Variants in MON2 observed in about 807,000 individuals in gnomAD.
MON2 encodes MON2 regulator of endosome-to-Golgi trafficking, also known as protein MON2 homolog.
Under a neutral mutation model 208.6 loss-of-function variants are expected in MON2, and 84 were observed. The ratio of observed to expected loss-of-function variants is 0.40; its 90% CI spans 0.34 to 0.48. The LOEUF (loss-of-function observed/expected upper bound fraction) is 0.48, where lower values mean the gene tolerates loss of function less well. Among genes scored for constraint, MON2 ranks in the 20% least tolerant of loss-of-function variants. The probability of loss-of-function intolerance (pLI) is 0.59; values close to 1 mark genes in which losing one functional copy is unlikely to be tolerated. For synonymous variants in MON2, 660 were observed against 694.0 expected, an observed-to-expected ratio of 0.95 and a Z score of 0.77; for missense variants, 1,611 against 2,015.4, an observed-to-expected ratio of 0.80 and a Z score of 3.84.
intron 23 of MON2, among the ~76,000 whole-genome samples, chr12:62,551,938 CTG>C (rs2136303656): frequency 6.6e-6 from 1 of 152,296 alleles, no homozygotes; most frequent in African/African-American, 2.4e-5. Flanking sequence ...GCTTCTGCAT[CTG>C]TAGATTCAAC....
chr12:62,486,049 G>A (rs925369059), intron 2 of MON2, among the ~76,000 whole-genome samples: 2 of 152,096 alleles, frequency 1.3e-5, no homozygotes, highest in African/African-American at 4.8e-5. Context: ...ATTAGCTACT[G>A]TGGGGAAATT....
chr12:62,521,621 G>C (rs896023088), intron 8 of MON2, among the ~76,000 whole-genome samples: 3 of 152,156 alleles, frequency 2.0e-5, no homozygotes, highest in Non-Finnish European at 4.4e-5. Context: ...GGTAGTTCAA[G>C]GGTGAAGATA....
intron 29 of MON2, 42 bp from the exon 30 acceptor site, chr12:62,571,350 A>G (rs758574369): frequency 9.7e-6 from 13 of 1,334,078 alleles, no homozygotes; most frequent in South Asian, 1.6e-5. Context: ...TTGTGTGTGT[A>G]TGTTTTAATT....
At chr12:62,480,680 A>G (rs116803271) in intron 1 of MON2, among the ~76,000 whole-genome samples, 4,933 of 152,324 alleles carry the variant, frequency 0.032, 285 homozygotes, top group African/African-American at 0.11. Context: ...GGAAATCAGG[A>G]CTATGGCGAA....
In MON2 at chr12:62,467,263, G is replaced by A. The variant is rs78504538; in HGVS notation, c.56G>A (p.Ser19Asn). ...AAGAAGCTGCTGGAGAATATGCAGA[G>A]CGACTTGCGCGCCTTGTCACTGGAG... ...AVKKLLENMQ[S>N]DLRALSLECK... The change falls in exon 1 of 35, where the codon AGC becomes AAC. Residue 19 changes from serine to asparagine, a missense_variant. Coordinates refer to ENST00000393630, the MANE Select transcript of MON2 (RefSeq NM_015026.3). 4.6e-4 allele frequency: 747 copies of A among 1,614,064 alleles called. 5 individuals carry two copies. In the East Asian group the frequency reaches 0.014, roughly 31 times the overall value.
chr12:62,578,652 T>C, intron 31 of MON2, 147 bp downstream of exon 31: 1 of 559,134 alleles, frequency 1.8e-6, no homozygotes, highest in East Asian at 3.3e-5. Flanking sequence ...TAAACGTTGA[T>C]GTTTAAAGGA....
intron 8 of MON2, among the ~76,000 whole-genome samples, chr12:62,519,023 TCTC>T (rs2071856830): frequency 6.6e-6 from 1 of 152,150 alleles, no homozygotes; most frequent in African/African-American, 2.4e-5. Flanking sequence ...AAATGGTACA[TCTC>T]CTAGAAGACA....
In MON2 at chr12:62,467,300, A is replaced by G; in HGVS notation, c.93A>G (p.Lys31=). ...CCTTGTCACTGGAGTGCAAGAAGAA[A>G]TTCCCACCTGTCAAAGAGGTAAGCT... ...LRALSLECKK[K]FPPVKEAAES... is the part of the protein sequence containing the mutation. Residue 31 remains lysine (K), a synonymous_variant, in exon 1 of 35, where the codon AAA becomes AAG. Transcript: ENST00000393630. 6.2e-7 allele frequency: 1 copy of G among 1,614,066 alleles called. No individual in the cohort carries two copies. The highest frequency in any genetic ancestry group is 8.5e-7 in the Non-Finnish European group (1 of 1,180,000).
intron 23 of MON2, among the ~76,000 whole-genome samples, chr12:62,552,211 A>G (rs1047019192): frequency 5.3e-5 from 8 of 152,208 alleles, no homozygotes; most frequent in Non-Finnish European, 1.2e-4. Context: ...CCTGAAACCA[A>G]TCCCCCACGG....
intron 25 of MON2, chr12:62,560,282 T>C (rs1592398449): frequency 2.1e-6 from 1 of 477,042 alleles, no homozygotes; most frequent in Non-Finnish European, 3.6e-6. Flanking sequence ...GTGCCCTTTG[T>C]TCCTATATCT....
At chr12:62,559,200 G>GA (rs1355134997) in intron 25 of MON2, among the ~76,000 whole-genome samples, 1 of 152,174 alleles carries the variant, frequency 6.6e-6, no homozygotes, top group African/African-American at 2.4e-5. Flanking sequence ...TTTCCAAAAT[G>GA]AAAGTCCTTA....
rs541438685 is a variant in MON2 at position 62,562,385 on chromosome 12, A to C, written c.4032+1272A>C. On this transcript the variant is annotated intron_variant, in intron 26 of 34. Coordinates refer to ENST00000393630, the MANE Select transcript of MON2 (RefSeq NM_015026.3). Reference sequence around the variant, plus strand: ...AGTGAGAGGAAAAGTGGAATCATTTATCCCAACTACTAGTAATTTGTTCAG... The same window carrying C: ...AGTGAGAGGAAAAGTGGAATCATTTCTCCCAACTACTAGTAATTTGTTCAG... Among the ~76,000 whole-genome samples the C allele has an allele frequency of 8.5e-4, 130 of 152,074 alleles. 1 individual carries two copies. Among genetic ancestry groups the C allele is most frequent in the African/African-American group, 3.0e-3 (124 of 41,532 alleles).
At position 62,586,631 on chromosome 12, in the gene MON2, A is replaced by G. The variant is rs553231648; in HGVS notation, c.4907+1130A>G. 3.2e-4 allele frequency among the ~76,000 whole-genome samples: 49 copies of G among 152,308 alleles called. No individual in the cohort carries two copies. In the South Asian group the frequency reaches 9.7e-3, roughly 30 times the overall value. ...ATTTTGAATTTCTAGAACTTAAATT[A>G]TAACTCCTTATACTCAAATTTATAC... is the stretch of plus-strand genomic sequence containing the variant. On this transcript the variant is annotated intron_variant, in intron 33 of 34. Transcript: ENST00000393630.
chr12:62,517,592 A>T lies in MON2; in HGVS notation c.985-6923A>T, dbSNP rs2071769695. Among the ~76,000 whole-genome samples the T allele has an allele frequency of 7.2e-5, 11 of 152,232 alleles. No homozygotes were observed. In the South Asian group the frequency reaches 2.3e-3, roughly 32 times the overall value. On this transcript the variant is annotated intron_variant, in intron 8 of 34. Coordinates refer to ENST00000393630, the MANE Select transcript of MON2 (RefSeq NM_015026.3). ...GACACCAGAGCATGCTTGCTCTCTC[A>T]CTTTCTTGCCCTCCACCATGTGAAG...
chr12:62,469,858 T>C (rs1290553504), intron 1 of MON2, among the ~76,000 whole-genome samples: 1 of 151,872 alleles, frequency 6.6e-6, no homozygotes, highest in Admixed American at 6.6e-5. Context: ...TTCTGTCTTT[T>C]ATGGCCATAG....
intron 8 of MON2, among the ~76,000 whole-genome samples, chr12:62,520,613 T>C (rs1319483119): frequency 2.6e-5 from 4 of 151,990 alleles, no homozygotes; most frequent in Non-Finnish European, 2.9e-5. Context: ...CATGTGTACT[T>C]CCTGTTTTGT....
At chr12:62,477,718 G>A (rs1048388617) in intron 1 of MON2, among the ~76,000 whole-genome samples, 1 of 151,996 alleles carries the variant, frequency 6.6e-6, no homozygotes, top group Non-Finnish European at 1.5e-5. Context: ...TTCTGGCCTA[G>A]ATTAGTCTAC....
chr12:62,504,783 C>T (rs2071019417), intron 7 of MON2, among the ~76,000 whole-genome samples: 1 of 152,108 alleles, frequency 6.6e-6, no homozygotes, highest in Non-Finnish European at 1.5e-5. Context: ...AAAATCTTTG[C>T]CCTGTGGCAC....
At chr12:62,514,584 G>T (rs909746030) in intron 8 of MON2, among the ~76,000 whole-genome samples, 7 of 152,138 alleles carry the variant, frequency 4.6e-5, no homozygotes, top group Non-Finnish European at 8.8e-5. Context: ...ATAACAGCAT[G>T]AGAAAGACCT....
Sources: allele counts gnomAD v4.1 joint callset (sites outside exome capture counted in the v4.1 genomes callset), GRCh38; gene constraint gnomAD v4.1.1; transcripts MANE v1.5; gene names NCBI Gene and HGNC (gene_info 2026-07-23, HGNC 2026-07-21).